The following PCDH15 variants were observed in gnomAD, a reference collection of about 807,000 sequenced individuals.
PCDH15 encodes the protein protocadherin related 15.
PCDH15 carries 129 observed loss-of-function variants against 178.5 expected under a neutral mutation model. The ratio of observed to expected loss-of-function variants is 0.72; its 90% CI spans 0.63 to 0.84. The LOEUF (loss-of-function observed/expected upper bound fraction) is 0.84, where lower values mean the gene tolerates loss of function less well. Among genes scored for constraint, PCDH15 ranks in the 40% least tolerant of loss-of-function variants. The pLI, the probability that PCDH15 is intolerant of heterozygous loss-of-function variation, is 0.00. For missense variants in PCDH15, 2,230 were observed against 2,099.9 expected (o/e 1.06, Z -1.21); for synonymous variants, 800 against 732.0 (o/e 1.09, Z -1.50).
intron 3 of PCDH15, among the ~76,000 whole-genome samples, chr10:54,403,684 C>G (rs1952232845): frequency 6.6e-6 from 1 of 151,808 alleles, no homozygotes; most frequent in African/African-American, 2.4e-5. Context: ...AACTTATATT[C>G]AGAAACCCTC....
chr10:55,510,764 G>T (rs1272658412), intron 2 of PCDH15, among the ~76,000 whole-genome samples: 2 of 151,012 alleles, frequency 1.3e-5, no homozygotes, highest in African/African-American at 4.9e-5. Context: ...TTAGGTTTTT[G>T]ATTATACTTT....
chr10:54,731,545 G>GATATATATATATAT (rs1167781763), intron 1 of PCDH15, among the ~76,000 whole-genome samples: 6 of 80,286 alleles, frequency 7.5e-5, no homozygotes, highest in African/African-American at 1.4e-4. Context: ...ATGTGAGATA[G>GATATATATATATAT]ATATATATAT....
intron 2 of PCDH15, among the ~76,000 whole-genome samples, chr10:55,055,282 A>T (rs1841269426): frequency 6.6e-6 from 1 of 152,178 alleles, no homozygotes. Context: ...TTAATGATTG[A>T]TTAGCTCGTT....
chr10:54,207,932 T>C (rs570119055), intron 10 of PCDH15, among the ~76,000 whole-genome samples: 9 of 152,184 alleles, frequency 5.9e-5, no homozygotes, highest in South Asian at 2.1e-4. Flanking sequence ...TTAGTGATCT[T>C]ATATAGAGAG....
intron 2 of PCDH15, among the ~76,000 whole-genome samples, chr10:55,022,769 G>A (rs1450491644): frequency 6.8e-6 from 1 of 147,676 alleles, no homozygotes; most frequent in African/African-American, 2.5e-5. Context: ...GGAGTGCAGT[G>A]GCGCGATCTC....
rs529378776 is a variant in PCDH15, at chr10:53,965,362, T to C, written c.2869-3470A>G. 1.8e-4 allele frequency among the ~76,000 whole-genome samples: 27 copies of C among 152,298 alleles called. No homozygotes were observed. The East Asian group carries it at 5.2e-3, about 29-fold the overall frequency. ...CGTAAGCCACCGCGCCCAGCCCTACTACCTATATTTTTAAAATAATAAAAT... is the reference window on the plus strand; with the variant it reads ...CGTAAGCCACCGCGCCCAGCCCTACCACCTATATTTTTAAAATAATAAAAT... On this transcript the variant is annotated intron_variant, in intron 21 of 37. Coordinates refer to ENST00000644397, the MANE Select transcript of PCDH15 (RefSeq NM_001384140.1).
intron 26 of PCDH15, among the ~76,000 whole-genome samples, chr10:53,882,245 T>C (rs937279076): frequency 4.6e-5 from 7 of 151,346 alleles, no homozygotes; most frequent in African/African-American, 7.3e-5. Context: ...TCTCATTCAC[T>C]TGATACACTG....
chr10:55,200,339 C>T (rs1840209355), intron 1 of PCDH15, among the ~76,000 whole-genome samples: 1 of 152,110 alleles, frequency 6.6e-6, no homozygotes, highest in African/African-American at 2.4e-5. Context: ...GTGTTTTGGA[C>T]TTGCAAGGGG....
intron 14 of PCDH15, among the ~76,000 whole-genome samples, chr10:54,142,036 A>C (rs1171335529): frequency 6.6e-6 from 1 of 152,144 alleles, no homozygotes; most frequent in Non-Finnish European, 1.5e-5. Flanking sequence ...AAACAACATT[A>C]GTTGTCTTGC....
intron 1 of PCDH15, among the ~76,000 whole-genome samples, chr10:55,195,040 T>TG (rs1242398220): frequency 6.6e-6 from 1 of 151,174 alleles, no homozygotes; most frequent in African/African-American, 2.4e-5. Context: ...TTTTTTTTTT[T>TG]GGAGACGGAG....
chr10:54,850,951 C>A (rs1953609345), intron 3 of PCDH15, among the ~76,000 whole-genome samples: 1 of 152,186 alleles, frequency 6.6e-6, no homozygotes, highest in African/African-American at 2.4e-5. Flanking sequence ...AGGGCTTTAG[C>A]ATGGAAGAGT....
At chr10:55,582,590 GTATGTGTATATATATATATATA>G (rs1411765848) in intron 2 of PCDH15, among the ~76,000 whole-genome samples, 1 of 106,092 alleles carries the variant, frequency 9.4e-6, no homozygotes, top group African/African-American at 4.0e-5. Context: ...TTCTGTATGT[GTATGTGTATATATATATATATA>G]TATATATATA....
intron 2 of PCDH15, among the ~76,000 whole-genome samples, chr10:55,412,270 A>C (rs1838357108): frequency 6.6e-6 from 1 of 152,006 alleles, no homozygotes; most frequent in African/African-American, 2.4e-5. Context: ...ACAATTAATA[A>C]TTTTTTAGAA....
At chr10:55,595,959 G>A (rs1295015088) in intron 2 of PCDH15, among the ~76,000 whole-genome samples, 6 of 151,964 alleles carry the variant, frequency 3.9e-5, no homozygotes, top group African/African-American at 1.4e-4. Flanking sequence ...TAAAGATTAG[G>A]TTGATAAATT....
At chr10:54,832,762 C>CA (rs1339404180) in intron 3 of PCDH15, among the ~76,000 whole-genome samples, 1 of 151,914 alleles carries the variant, frequency 6.6e-6, no homozygotes, top group Non-Finnish European at 1.5e-5. Flanking sequence ...TGCAATATGA[C>CA]AAAAAACATT....
intron 13 of PCDH15, among the ~76,000 whole-genome samples, chr10:54,169,473 C>T (rs1442471314): frequency 1.4e-5 from 2 of 140,300 alleles, no homozygotes; most frequent in Non-Finnish European, 3.2e-5. Flanking sequence ...CTCTTTTAAG[C>T]ACTCCTTTTT....
At chr10:54,986,550 T>G (rs2131911019) in intron 2 of PCDH15, among the ~76,000 whole-genome samples, 1 of 152,288 alleles carries the variant, frequency 6.6e-6, no homozygotes, top group South Asian at 2.1e-4. Flanking sequence ...AGATGCTAAG[T>G]TAGTAATTAT....
intron 1 of PCDH15, among the ~76,000 whole-genome samples, chr10:55,229,091 T>A (rs1396936327): frequency 6.6e-6 from 1 of 151,952 alleles, no homozygotes; most frequent in Non-Finnish European, 1.5e-5. Context: ...GTAAACTCTA[T>A]ACAAATAAAA....
At chr10:54,362,723 A>G (rs910789476) in intron 5 of PCDH15, among the ~76,000 whole-genome samples, 8 of 152,056 alleles carry the variant, frequency 5.3e-5, no homozygotes, top group African/African-American at 1.7e-4. Flanking sequence ...AATGTTGCTT[A>G]ATCAATGAGT....
Sources: allele counts gnomAD v4.1 joint callset (sites outside exome capture counted in the v4.1 genomes callset), GRCh38; gene constraint gnomAD v4.1.1; transcripts MANE v1.5; gene names NCBI Gene and HGNC (gene_info 2026-07-23, HGNC 2026-07-21).